BICDL2: variants seen among roughly 807,000 people sequenced by gnomAD.
BICDL2 encodes the protein BICD family-like cargo adapter 2.
Under a neutral mutation model 56.6 loss-of-function variants are expected in BICDL2, and 62 were observed. The ratio of observed to expected loss-of-function variants is 1.10; its 90% confidence interval spans 0.89 to 1.35. The LOEUF is 1.35. Among genes scored for constraint, BICDL2 ranks in the 40% most tolerant of loss-of-function variants. The pLI is 0.00. For synonymous variants in BICDL2, 358 were observed against 319.8 expected, an observed-to-expected ratio of 1.12 and a Z score of -1.27; for missense variants, 808 against 684.5, an observed-to-expected ratio of 1.18 and a Z score of -2.01.
chr16:3,029,798 C>A, intron 5 of BICDL2, 59 bp from the exon 6 acceptor site: 3 of 1,391,620 alleles, frequency 2.2e-6, no homozygotes, highest in Non-Finnish European at 2.8e-6. Flanking sequence ...GCAACGCCGA[C>A]ATCCCGCGGC....
intron 2 of BICDL2, among the ~76,000 whole-genome samples, chr16:3,033,997 G>A (rs1339608049): frequency 6.6e-6 from 1 of 152,138 alleles, no homozygotes; most frequent in Non-Finnish European, 1.5e-5. Flanking sequence ...GGTTGGGGCC[G>A]ACGCAGCAGA....
intron 2 of BICDL2, 128 bp downstream of exon 2, chr16:3,035,087 C>A: frequency 1.0e-6 from 1 of 975,214 alleles, no homozygotes; most frequent in Non-Finnish European, 1.5e-6. Flanking sequence ...CCAAAGTGCC[C>A]CCCTCGCCCG....
At chr16:3,035,176 T>TTGGCCCGGGGGGGGGGGGGGGGGG in intron 2 of BICDL2, 39 bp downstream of exon 2, 31 of 136,264 alleles carry the variant, frequency 2.3e-4, no homozygotes, top group East Asian at 4.2e-4. Context: ...CGTCCTCCCC[T>TTGGCCCGGGGGGGGGGGGGGGGGG]GCCCACCCAC....
chr16:3,033,314 A>T (rs1955683021), intron 2 of BICDL2, among the ~76,000 whole-genome samples: 1 of 151,706 alleles, frequency 6.6e-6, no homozygotes, highest in Non-Finnish European at 1.5e-5. Flanking sequence ...AAATAACAAC[A>T]ATAATAAAAG....
chr16:3,031,073 C>T lies in BICDL2; in HGVS notation c.360G>A (p.Glu120=). 1 of 1,537,180 alleles carries T rather than the reference C, an allele frequency of 6.5e-7. No homozygotes were observed. The highest frequency in any genetic ancestry group is 8.7e-7 in the Non-Finnish European group (1 of 1,146,814). ...RGAEWEARAV[E]LEGDVEALRA... ...GCAGGGCCTCCACGTCCCCCTCCAG[C>T]TCCACGGCCCGGGCCTCCCACTCGG... The change falls in exon 3 of 10, where the codon GAG becomes GAA. Residue 120 remains glutamate (E), a synonymous_variant. Coordinates refer to ENST00000572449, the MANE Select transcript of BICDL2 (RefSeq NM_001369667.1).
Position 3,035,382 on chromosome 16 carries a change from C to G in BICDL2, c.115G>C (p.Gly39Arg). The G allele has an allele frequency of 1.2e-6, 2 of 1,609,056 alleles. No individual in the cohort carries two copies. Among genetic ancestry groups the G allele is most frequent in the Non-Finnish European group, 1.7e-6 (2 of 1,178,550 alleles). ...FVLERRDSFLGGGPGPEEPED... is the reference protein window; with the variant it reads ...FVLERRDSFLRGGPGPEEPED... ...GGCTCCTCAGGCCCTGGGCCCCCTC[C>G]CAGGAATGAGTCCCGCCGCTCCAGC... The change falls in exon 2 of 10, where the codon GGA (glycine) becomes CGA (arginine). Residue 39 changes from glycine (G) to arginine (R), a missense_variant. Physicochemically the swap from Gly to Arg is moderately radical, Grantham distance 125. Coordinates refer to ENST00000572449, the MANE Select transcript of BICDL2 (RefSeq NM_001369667.1).
chr16:3,028,320 CGCCCCGCACACGG>C lies in BICDL2; in HGVS notation c.1359+15_1359+27del. Reference sequence around the variant, plus strand: ...TCAGCGCCGGTCCCGCCCCTTGCCCCGCCCCGCACACGGGCCCCGCCCCTCACCTGCCAGGCCT... The same window carrying C: ...TCAGCGCCGGTCCCGCCCCTTGCCCCGCCCCGCCCCTCACCTGCCAGGCCT... On this transcript the variant is annotated intron_variant, in intron 9 of 9. Transcript: ENST00000572449. 1.9e-6 allele frequency: 3 copies of C among 1,542,952 alleles called. No individual in the cohort carries two copies. The highest frequency in any genetic ancestry group is 2.6e-6 in the Non-Finnish European group (3 of 1,153,122).
At position 3,030,787 on chromosome 16, in the gene BICDL2, T is replaced by G. The variant is rs1955642048; in HGVS notation, c.524A>C (p.Gln175Pro). Residue 175 changes from glutamine (Q) to proline (P), a missense_variant, in exon 4 of 10, where the codon CAG becomes CCG. Gln to Pro is a moderately conservative substitution (Grantham distance 76, BLOSUM62 -1). Transcript: ENST00000572449. ...TCCCCGAAGGGCGTCCAGTTCCCTC[T>G]GAAGTTCCTGCTCAGTCTGGGAGGC... is the stretch of plus-strand genomic sequence containing the variant. The part of the protein sequence containing the change: ...AQASQTEQEL[Q>P]RELDALRGQC... The G allele has an allele frequency of 2.5e-6, 4 of 1,611,492 alleles. No homozygotes were observed. Among genetic ancestry groups the G allele is most frequent in the Non-Finnish European group, 3.4e-6 (4 of 1,179,470 alleles).
chr16:3,031,415 G>A, intron 2 of BICDL2: 1 of 547,812 alleles, frequency 1.8e-6, no homozygotes, highest in Non-Finnish European at 3.2e-6. Flanking sequence ...CTCACCTCCA[G>A]CTGCTGCCGG....
At position 3,028,159 on chromosome 16, in the gene BICDL2, G is replaced by T. The variant is rs747115072; in HGVS notation, c.1474C>A (p.Leu492Met). The change falls in exon 10 of 10, where the codon CTG becomes ATG. Residue 492 changes from leucine to methionine, a missense_variant. Physicochemically the swap from Leu to Met is conservative, Grantham distance 15. Transcript: ENST00000572449. ...RRAAPRFSLR[L>M]GPGPAGGFLS... ...AAGCCACCGGCGGGCCCGGGGCCCA[G>T]GCGCAGCGAGAAGCGGGGCGCGGCA... 1.4e-6 allele frequency: 2 copies of T among 1,446,862 alleles called. No homozygotes were observed. The highest frequency in any genetic ancestry group is 1.8e-6 in the Non-Finnish European group (2 of 1,108,020). The allele number at this position is 1,446,862 out of a possible 1,614,324, so 89.6% of individuals were successfully genotyped here. A position where few individuals can be genotyped will look rare whatever the true frequency, so the allele number is the denominator to read the frequency against.
In BICDL2 at chr16:3,029,725, C is replaced by T. The variant is rs1235498770; in HGVS notation, c.777G>A (p.Arg259=). ...CACTCAGCGCCTCCCCAGCCTCTGA[C>T]CGTGCGCGTTCCAGCTGTGGACGGT... ...REHSLELERA[R]SEAGEALSAL... is the part of the protein sequence containing the mutation. Residue 259 remains arginine, a synonymous_variant, in exon 6 of 10, where the codon CGG becomes CGA. Coordinates refer to ENST00000572449, the MANE Select transcript of BICDL2 (RefSeq NM_001369667.1). 2 of 1,532,922 alleles carry T rather than the reference C, an allele frequency of 1.3e-6. No individual in the cohort carries two copies. Among genetic ancestry groups the T allele is most frequent in the African/African-American group, 1.4e-5 (1 of 72,390 alleles). 95.0% of individuals were successfully genotyped at this position (1,532,922 alleles called of 1,614,324 possible). A position where few individuals can be genotyped will look rare whatever the true frequency, so the allele number is the denominator to read the frequency against.
In BICDL2 at chr16:3,036,510, AG is replaced by A. The variant is rs1437368440; in HGVS notation, c.-31+383del. The A allele has an allele frequency of 1.5e-5, 7 of 455,752 alleles. No individual in the cohort carries two copies. In the East Asian group the frequency reaches 4.2e-4, roughly 27 times the overall value. 28.2% of individuals were successfully genotyped at this position (455,752 alleles called of 1,614,324 possible). Reference sequence around the variant, plus strand: ...CTCCTCTCGCCCGGTGTCCATGTGCAGCCCTGCTCGCAGGACGTGAGTGTCA... The same window carrying A: ...CTCCTCTCGCCCGGTGTCCATGTGCACCCTGCTCGCAGGACGTGAGTGTCA... On this transcript the variant is annotated intron_variant, in intron 1 of 9. Transcript: ENST00000572449.
chr16:3,036,561 C>A, intron 1 of BICDL2: 1 of 451,872 alleles, frequency 2.2e-6, no homozygotes, highest in Non-Finnish European at 4.4e-6. Context: ...CAGCCGCCCC[C>A]AGGCCGCTCC....
chr16:3,028,045 A>G lies in BICDL2; in HGVS notation c.*61T>C. 1.4e-6 allele frequency: 2 copies of G among 1,392,502 alleles called. No homozygotes were observed. The highest frequency in any genetic ancestry group is 1.9e-6 in the Non-Finnish European group (2 of 1,075,146). 86.3% of individuals were successfully genotyped at this position (1,392,502 alleles called of 1,614,324 possible). On this transcript the variant is annotated 3_prime_UTR_variant, in exon 10 of 10. Transcript: ENST00000572449. ...AAGACAATCTGGGCCCTGTCGCTCC[A>G]TTGGCCTGAAGAGGAAAGTGAGCCC...
chr16:3,035,085 C>T (rs1955710995), intron 2 of BICDL2, 130 bp downstream of exon 2: 2 of 949,062 alleles, frequency 2.1e-6, no homozygotes, highest in East Asian at 2.7e-5. Context: ...TTCCAAAGTG[C>T]CCCCCTCGCC....
chr16:3,028,013 C>A lies in BICDL2; in HGVS notation c.*93G>T. ...CCTGGGGCGGGGAGGGCATCAGCTT[C>A]TTTTGGAAGACAATCTGGGCCCTGT... On this transcript the variant is annotated 3_prime_UTR_variant, in exon 10 of 10. Coordinates refer to ENST00000572449, the MANE Select transcript of BICDL2 (RefSeq NM_001369667.1). 8 of 1,371,902 alleles carry A rather than the reference C, an allele frequency of 5.8e-6. No individual in the cohort carries two copies. Among genetic ancestry groups the A allele is most frequent in the South Asian group, 1.8e-5 (1 of 57,090 alleles). The allele number at this position is 1,371,902 out of a possible 1,614,324, so 85.0% of individuals were successfully genotyped here.
In BICDL2 at chr16:3,036,883, C is replaced by T. The variant is rs1327063461; in HGVS notation, c.-31+11G>A. On this transcript the variant is annotated intron_variant, in intron 1 of 9. Coordinates refer to ENST00000572449, the MANE Select transcript of BICDL2 (RefSeq NM_001369667.1). ...GAGGGGCCCGGCCCTCGGCGTCCCC[C>T]AGGCTCTCACCCGAAGCCGCCGGGC... 1 of 283,466 alleles carries T rather than the reference C, an allele frequency of 3.5e-6. No homozygotes were observed. The allele number at this position is 283,466 out of a possible 1,614,324, so 17.6% of individuals were successfully genotyped here. A position where few individuals can be genotyped will look rare whatever the true frequency, so the allele number is the denominator to read the frequency against.
chr16:3,030,623 AG>A, intron 4 of BICDL2, 28 bp from the exon 5 acceptor site: 3 of 1,595,232 alleles, frequency 1.9e-6, no homozygotes. Flanking sequence ...AGCTGGGGAC[AG>A]GGGCAGCCCC....
At position 3,029,381 on chromosome 16, in the gene BICDL2, G is replaced by T. The variant is rs756012274; in HGVS notation, c.1006C>A (p.Pro336Thr). The T allele has an allele frequency of 6.2e-7, 1 of 1,609,234 alleles. No individual in the cohort carries two copies. The highest frequency in any genetic ancestry group is 1.1e-5 in the South Asian group (1 of 90,938). The part of the protein sequence containing the change: ...TRKASSPQPS[P>T]PEEILEPPKK... ...GGGGGCTCTAAGATCTCTTCCGGGGGTGAAGGCTGGGGGCTGGACGCCTTT... is the reference window on the plus strand; with the variant it reads ...GGGGGCTCTAAGATCTCTTCCGGGGTTGAAGGCTGGGGGCTGGACGCCTTT... Residue 336 changes from proline to threonine, a missense_variant, in exon 7 of 10, where the codon CCC becomes ACC. By Grantham distance (38) the Pro-to-Thr change is conservative. Coordinates refer to ENST00000572449, the MANE Select transcript of BICDL2 (RefSeq NM_001369667.1).
Sources: allele counts gnomAD v4.1 joint callset (sites outside exome capture counted in the v4.1 genomes callset), GRCh38; gene constraint gnomAD v4.1.1; transcripts MANE v1.5; gene names NCBI Gene and HGNC (gene_info 2026-07-23, HGNC 2026-07-21).